Variants in UXS1 observed in about 807,000 individuals in gnomAD.
UXS1 encodes the protein UDP-glucuronic acid decarboxylase 1.
Under a neutral mutation model 62.6 loss-of-function variants are expected in UXS1, and 33 were observed. The observed-to-expected ratio is 0.53, with a 90% CI of 0.40 to 0.70. The LOEUF (loss-of-function observed/expected upper bound fraction) is 0.70. Ranked by LOEUF, UXS1 falls within the 30% of genes least tolerant of loss-of-function variation. UXS1 has a pLI of 0.00. For synonymous variants in UXS1, 213 were observed against 206.8 expected (o/e 1.03, Z -0.26); for missense variants, 434 against 556.3 (o/e 0.78, Z 2.21).
intron 5 of UXS1, among the ~76,000 whole-genome samples, chr2:106,146,149 G>A (rs1681544983): frequency 6.6e-6 from 1 of 152,244 alleles, no homozygotes; most frequent in Non-Finnish European, 1.5e-5. Flanking sequence ...GTAACTGGAG[G>A]AGGATAAAGG....
chr2:106,108,200 T>G (rs1447129940), intron 10 of UXS1, among the ~76,000 whole-genome samples: 1 of 152,242 alleles, frequency 6.6e-6, no homozygotes. Context: ...CCTACCTATT[T>G]CACTAACACA....
At chr2:106,130,892 G>C (rs903836056) in intron 6 of UXS1, among the ~76,000 whole-genome samples, 10 of 152,088 alleles carry the variant, frequency 6.6e-5, no homozygotes, top group African/African-American at 1.4e-4. Flanking sequence ...GCCAAGTCTG[G>C]GGGGGAGGAG....
chr2:106,145,549 A>G, intron 5 of UXS1, 179 bp from the exon 6 acceptor site: 1 of 636,112 alleles, frequency 1.6e-6, no homozygotes, highest in Non-Finnish European at 2.5e-6. Context: ...CAGAACAAAG[A>G]GGTCATACTA....
At chr2:106,178,214 T>C (rs192333264) in intron 1 of UXS1, among the ~76,000 whole-genome samples, 2 of 152,368 alleles carry the variant, frequency 1.3e-5, no homozygotes, top group Non-Finnish European at 2.9e-5. Context: ...CGGGCCCTTC[T>C]GTCTATGCCA....
intron 4 of UXS1, among the ~76,000 whole-genome samples, chr2:106,160,968 T>C (rs1573540133): frequency 1.3e-5 from 2 of 152,174 alleles, no homozygotes; most frequent in East Asian, 3.9e-4. Flanking sequence ...AAGCCACACA[T>C]ACAAAGCTGA....
chr2:106,103,360 T>G (rs1201272889), intron 11 of UXS1, among the ~76,000 whole-genome samples: 2 of 152,188 alleles, frequency 1.3e-5, no homozygotes, highest in Non-Finnish European at 2.9e-5. Context: ...TGGAGAAGCC[T>G]GGGCGCCACT....
At chr2:106,189,091 A>G (rs542220364) in intron 1 of UXS1, among the ~76,000 whole-genome samples, 23 of 152,374 alleles carry the variant, frequency 1.5e-4, no homozygotes, top group African/African-American at 4.6e-4. Context: ...CAGCAATCCT[A>G]TATCAGAATA....
chr2:106,176,576 A>C (rs1683894042), intron 1 of UXS1, among the ~76,000 whole-genome samples: 1 of 152,202 alleles, frequency 6.6e-6, no homozygotes, highest in Non-Finnish European at 1.5e-5. Context: ...CAGCTGCTGA[A>C]CGGGAAGCCG....
At chr2:106,165,952 A>T in intron 2 of UXS1, 104 bp downstream of exon 2, 1 of 1,163,582 alleles carries the variant, frequency 8.6e-7, no homozygotes, top group Non-Finnish European at 1.2e-6. Flanking sequence ...CTTTTGTTTT[A>T]AAAATATTTT....
At chr2:106,104,761 T>C (rs1340690130) in intron 11 of UXS1, 33 bp downstream of exon 11, 3 of 1,613,806 alleles carry the variant, frequency 1.9e-6, no homozygotes, top group Admixed American at 1.7e-5. Flanking sequence ...TCCAAAGCAC[T>C]GCTAAGGCTG....
intron 9 of UXS1, among the ~76,000 whole-genome samples, chr2:106,120,521 C>T (rs556478071): frequency 6.4e-4 from 97 of 152,352 alleles, no homozygotes; most frequent in African/African-American, 2.2e-3. Context: ...CCATTTCTCA[C>T]CTGGGCAGAT....
chr2:106,186,062 A>G (rs947011095), intron 1 of UXS1, among the ~76,000 whole-genome samples: 3 of 152,346 alleles, frequency 2.0e-5, no homozygotes, highest in South Asian at 2.1e-4. Flanking sequence ...TCAAAACACC[A>G]CCAGTTAATA....
At chr2:106,104,028 A>G (rs565860607) in intron 11 of UXS1, among the ~76,000 whole-genome samples, 1 of 152,328 alleles carries the variant, frequency 6.6e-6, no homozygotes, top group African/African-American at 2.4e-5. Flanking sequence ...GACAGCAGGA[A>G]TAACACTTCC....
chr2:106,101,037 T>A, intron 12 of UXS1, 21 bp downstream of exon 12: 3 of 1,613,368 alleles, frequency 1.9e-6, no homozygotes, highest in Non-Finnish European at 2.5e-6. Flanking sequence ...TCCTGCAGAG[T>A]GGAGGGAGAG....
At chr2:106,184,817 T>C (rs1330625270) in intron 1 of UXS1, among the ~76,000 whole-genome samples, 1 of 152,114 alleles carries the variant, frequency 6.6e-6, no homozygotes, top group African/African-American at 2.4e-5. Context: ...ACCATACATA[T>C]CATATACCAG....
Position 106,116,676 on chromosome 2 carries a change from C to T in UXS1, c.760-3911G>A, listed in dbSNP as rs1023317538. ...AATCTAAACATTTATATATTAAGTA[C>T]ACTACTAGGTATGGTTTGCAGTACT... On this transcript the variant is annotated intron_variant, in intron 9 of 14. Transcript: ENST00000283148. 5.3e-5 allele frequency among the ~76,000 whole-genome samples: 8 copies of T among 152,184 alleles called. 1 individual carries two copies. The highest frequency in any genetic ancestry group is 1.9e-4 in the African/African-American group (8 of 41,440).
chr2:106,125,610 TC>T lies in UXS1; in HGVS notation c.637+9del. ...GGAGTGAACATCTCCTGAGAGAGCC[TC>T]CTACTCACCTCCATACACCTCCGAT... On this transcript the variant is annotated intron_variant, in intron 8 of 14. Transcript: ENST00000283148. The T allele has an allele frequency of 6.4e-7, 1 of 1,564,578 alleles. No homozygotes were observed. The highest frequency in any genetic ancestry group is 2.4e-5 in the East Asian group (1 of 41,916).
chr2:106,151,435 A>G (rs1682009129), intron 5 of UXS1, among the ~76,000 whole-genome samples: 1 of 152,140 alleles, frequency 6.6e-6, no homozygotes, highest in African/African-American at 2.4e-5. Context: ...TTACGTCATT[A>G]TTGCGGCAGT....
At chr2:106,164,903 T>C in intron 2 of UXS1, 104 bp from the exon 3 acceptor site, 1 of 778,772 alleles carries the variant, frequency 1.3e-6, no homozygotes, top group Non-Finnish European at 2.0e-6. Flanking sequence ...TGTCTCCTGC[T>C]CAAGTATCAG....
Sources: allele counts gnomAD v4.1 joint callset (sites outside exome capture counted in the v4.1 genomes callset), GRCh38; gene constraint gnomAD v4.1.1; transcripts MANE v1.5; gene names NCBI Gene and HGNC (gene_info 2026-07-23, HGNC 2026-07-21).